KLRG1: variants seen among roughly 807,000 people sequenced by gnomAD.
KLRG1 encodes the protein killer cell lectin-like receptor subfamily G member 1.
Under a neutral mutation model 21.8 loss-of-function variants are expected in KLRG1, and 16 were observed. The ratio of observed to expected loss-of-function variants is 0.73; its 90% CI spans 0.50 to 1.11. KLRG1 has a LOEUF of 1.11. KLRG1 is among the 50% of genes most tolerant of loss of function. KLRG1 has a pLI of 0.00. For missense variants in KLRG1, 173 were observed against 218.3 expected (o/e 0.79, Z 1.31); for synonymous variants, 69 against 75.9 (o/e 0.91, Z 0.47).
At chr12:9,170,560 C>T in the KLRG1 span, among the ~76,000 whole-genome samples, 3 of 152,182 alleles carry the variant, frequency 2.0e-5, no homozygotes, top group South Asian at 2.1e-4. This position sits in a 1 kb window ranked among gnomAD's most constrained non-coding sequence, Gnocchi z 4.6. Flanking sequence ...AGCCAGCCGA[C>T]GGCAGTGGGT....
chr12:9,149,800 A>C, the KLRG1 span, among the ~76,000 whole-genome samples: 3 of 152,212 alleles, frequency 2.0e-5, no homozygotes, highest in African/African-American at 2.4e-5. Flanking sequence ...ATGGGGACTG[A>C]AGCCTGTTCA....
chr12:9,182,716 G>A, the KLRG1 span, among the ~76,000 whole-genome samples: 1 of 152,230 alleles, frequency 6.6e-6, no homozygotes, highest in Non-Finnish European at 1.5e-5. Flanking sequence ...CAGGGTGAAG[G>A]GCCACCAGGT....
the KLRG1 span, among the ~76,000 whole-genome samples, chr12:9,059,855 T>G: frequency 3.3e-5 from 5 of 151,374 alleles, no homozygotes; most frequent in Admixed American, 2.0e-4. Context: ...AATTTTTGTG[T>G]TTTTGGTAGA....
At chr12:8,987,767 T>C (rs1165938048), upstream of KLRG1, among the ~76,000 whole-genome samples, 2 of 152,252 alleles carry the variant, frequency 1.3e-5, no homozygotes, top group Non-Finnish European at 2.9e-5. Flanking sequence ...TTTGTCATTT[T>C]GTGATCAGTT....
chr12:9,135,546 G>T, the KLRG1 span: 1 of 348,900 alleles, frequency 2.9e-6, no homozygotes, highest in Non-Finnish European at 5.4e-6. Context: ...AATTTCTCTT[G>T]GGCAGAACCA....
At chr12:9,041,333 C>G in the KLRG1 span, among the ~76,000 whole-genome samples, 4 of 152,124 alleles carry the variant, frequency 2.6e-5, no homozygotes, top group Non-Finnish European at 4.4e-5. Context: ...AACTCCATCT[C>G]AAAAACAAAC....
the KLRG1 span, among the ~76,000 whole-genome samples, chr12:9,096,452 G>A: frequency 6.6e-6 from 1 of 152,206 alleles, no homozygotes; most frequent in Non-Finnish European, 1.5e-5. Flanking sequence ...ATGGGTGCAT[G>A]TTCTAAACAG....
the KLRG1 span, chr12:9,158,655 C>G: frequency 0.29 from 408,919 of 1,414,826 alleles, 63,436 homozygotes; most frequent in Admixed American, 0.34. Context: ...ACAGGCTCCC[C>G]CATCACAGTG....
the KLRG1 span, among the ~76,000 whole-genome samples, chr12:9,206,836 G>A: frequency 6.6e-6 from 1 of 152,148 alleles, no homozygotes; most frequent in Non-Finnish European, 1.5e-5. Flanking sequence ...CCAATGTAGT[G>A]TAGGAATGCA....
chr12:9,076,770 T>G, the KLRG1 span: 2 of 1,613,926 alleles, frequency 1.2e-6, no homozygotes, highest in Admixed American at 3.3e-5. Flanking sequence ...CTTCACAGCT[T>G]CCTCATTAAG....
chr12:9,169,786 G>A, the KLRG1 span: 4 of 456,560 alleles, frequency 8.8e-6, no homozygotes, highest in Non-Finnish European at 1.5e-5. Context: ...ACCTACTTGG[G>A]AAAATGCTTC....
At chr12:9,194,798 C>T in the KLRG1 span, among the ~76,000 whole-genome samples, 3 of 152,230 alleles carry the variant, frequency 2.0e-5, no homozygotes, top group East Asian at 5.8e-4. Flanking sequence ...TACAACTTGC[C>T]ACTTAATATG....
chr12:9,163,855 A>C, the KLRG1 span: 2 of 1,506,228 alleles, frequency 1.3e-6, no homozygotes, highest in Non-Finnish European at 1.8e-6. Context: ...TAAGGGCTGC[A>C]CCTTAAACTT....
the KLRG1 span, among the ~76,000 whole-genome samples, chr12:9,206,758 A>G: frequency 7.1e-4 from 108 of 152,216 alleles, 1 homozygote; most frequent in African/African-American, 2.4e-3. Flanking sequence ...CAACTAGGGC[A>G]TGAGGCTTGT....
the KLRG1 span, among the ~76,000 whole-genome samples, chr12:9,054,091 G>A: frequency 6.6e-6 from 1 of 152,162 alleles, no homozygotes; most frequent in African/African-American, 2.4e-5. Flanking sequence ...TACAAACCCT[G>A]CTGTCTCAGT....
chr12:9,046,609 A>C, the KLRG1 span, among the ~76,000 whole-genome samples: 29 of 152,352 alleles, frequency 1.9e-4, no homozygotes, highest in African/African-American at 7.0e-4. Context: ...TGAAATATTT[A>C]AAGCATTGAA....
intron 1 of KLRG1, among the ~76,000 whole-genome samples, chr12:8,956,331 T>C (rs905001115): frequency 6.6e-6 from 1 of 152,132 alleles, no homozygotes; most frequent in South Asian, 2.1e-4. Flanking sequence ...GCAAAGCTTG[T>C]GGACAGCAGG....
At chr12:9,091,767 T>C in the KLRG1 span, among the ~76,000 whole-genome samples, 2 of 152,214 alleles carry the variant, frequency 1.3e-5, no homozygotes, top group Admixed American at 1.3e-4. Context: ...TTGTGTATAG[T>C]GGGCCTGACT....
the KLRG1 span, among the ~76,000 whole-genome samples, chr12:9,129,692 C>T: frequency 1.3e-5 from 2 of 152,008 alleles, no homozygotes; most frequent in Admixed American, 6.5e-5. Flanking sequence ...GGACTACAGG[C>T]GCCCGCCACC....
Sources: gnomAD v4.1 joint callset for allele counts (sites outside exome capture counted in the v4.1 genomes callset) on GRCh38, gnomAD v4.1.1 for gene constraint, Gnocchi (gnomAD v3.1) non-coding constraint, MANE v1.5 for transcripts, NCBI Gene and HGNC (gene_info 2026-07-23, HGNC 2026-07-21) for gene names.